Variants in PSMA1 observed in about 807,000 individuals in gnomAD.
The protein encoded by PSMA1 is proteasome subunit alpha type-1.
In PSMA1, 3 loss-of-function variants were observed where a neutral mutation model predicts 38.4. The observed-to-expected ratio is 0.08, with a 90% CI of 0.04 to 0.20. PSMA1 has a LOEUF of 0.20. Ranked by LOEUF, PSMA1 falls within the 10% of genes least tolerant of loss-of-function variation. PSMA1 has a pLI of 1.00. For synonymous variants in PSMA1, 101 were observed against 107.1 expected (o/e 0.94, Z 0.35); for missense variants, 227 against 325.3 (o/e 0.70, Z 2.32).
intron 2 of PSMA1, among the ~76,000 whole-genome samples, chr11:14,572,571 TA>T (rs1852158735): frequency 1.3e-5 from 2 of 152,154 alleles, no homozygotes; most frequent in African/African-American, 2.4e-5. Context: ...AAGAAAGATC[TA>T]AAATTGACAC....
chr11:14,642,678 G>T (rs949091668), intron 1 of PSMA1, among the ~76,000 whole-genome samples: 1 of 152,200 alleles, frequency 6.6e-6, no homozygotes, highest in Non-Finnish European at 1.5e-5. Context: ...TGAGGTTGAA[G>T]CGAGAGCTTA....
At chr11:14,602,938 A>G (rs967707095) in intron 2 of PSMA1, among the ~76,000 whole-genome samples, 1 of 152,200 alleles carries the variant, frequency 6.6e-6, no homozygotes, top group Non-Finnish European at 1.5e-5. Context: ...GCGGGGAGAC[A>G]TAAGTAACCA....
chr11:14,569,269 C>G (rs1383943894), intron 2 of PSMA1, among the ~76,000 whole-genome samples: 1 of 152,110 alleles, frequency 6.6e-6, no homozygotes, highest in Non-Finnish European at 1.5e-5. Context: ...CAAATAGGAA[C>G]AGCTCCAGTC....
At chr11:14,566,320 A>T (rs1852070901) in intron 2 of PSMA1, among the ~76,000 whole-genome samples, 1 of 152,236 alleles carries the variant, frequency 6.6e-6, no homozygotes, top group Non-Finnish European at 1.5e-5. Context: ...CTTGGAGCAG[A>T]GGGGTAGCAG....
chr11:14,616,734 T>C (rs1379300526), intron 1 of PSMA1, among the ~76,000 whole-genome samples: 1 of 152,210 alleles, frequency 6.6e-6, no homozygotes, highest in Non-Finnish European at 1.5e-5. Context: ...TGTGAGTAGA[T>C]ACTATTAGCC....
chr11:14,605,960 T>C (rs1742801130), intron 2 of PSMA1, among the ~76,000 whole-genome samples: 1 of 152,218 alleles, frequency 6.6e-6, no homozygotes, highest in African/African-American at 2.4e-5. Context: ...CCAAGGCCAA[T>C]GTCTAGAATG....
intron 2 of PSMA1, among the ~76,000 whole-genome samples, chr11:14,538,165 A>G (rs761889862): frequency 2.6e-5 from 4 of 152,194 alleles, no homozygotes; most frequent in African/African-American, 4.8e-5. Context: ...GTTCCTATGT[A>G]TTTATAAGTC....
At chr11:14,552,914 T>A (rs1460080532) in intron 2 of PSMA1, among the ~76,000 whole-genome samples, 1 of 150,136 alleles carries the variant, frequency 6.7e-6, no homozygotes, top group Non-Finnish European at 1.5e-5. Flanking sequence ...GCAGCCACAA[T>A]TTCCTGGGCT....
chr11:14,623,305 G>A (rs939168690), intron 1 of PSMA1, among the ~76,000 whole-genome samples: 1 of 152,172 alleles, frequency 6.6e-6, no homozygotes, highest in African/African-American at 2.4e-5. Context: ...GGTCTGTTCT[G>A]TATGTGAGTA....
At chr11:14,576,829 A>G (rs1194949252) in intron 2 of PSMA1, among the ~76,000 whole-genome samples, 1 of 152,198 alleles carries the variant, frequency 6.6e-6, no homozygotes, top group Non-Finnish European at 1.5e-5. Flanking sequence ...AGTCATTGGT[A>G]GCTTGATGGG....
intron 2 of PSMA1, among the ~76,000 whole-genome samples, chr11:14,558,476 AT>A (rs768915300): frequency 7.9e-5 from 12 of 152,232 alleles, no homozygotes; most frequent in African/African-American, 9.6e-5. Flanking sequence ...TTCTCTCTAC[AT>A]TTCCCTGTTT....
chr11:14,517,521 A>C, intron 4 of PSMA1, 121 bp downstream of exon 4: 2 of 824,316 alleles, frequency 2.4e-6, no homozygotes, highest in Non-Finnish European at 3.7e-6. Context: ...CAAGGTATTC[A>C]TAATCTTAAT....
chr11:14,605,892 T>C lies in PSMA1; in HGVS notation c.21+5074A>G, dbSNP rs1443379733. ...AGAATCTCTTTAGTTTAATTAGGTG[T>C]CACTTGTCAATGTTTGCTTTTGCTG... On this transcript the variant is annotated intron_variant, in intron 2 of 10. Transcript: ENST00000418988. 2.6e-5 allele frequency among the ~76,000 whole-genome samples: 4 copies of C among 152,218 alleles called. No individual in the cohort carries two copies. In the South Asian group the frequency reaches 6.2e-4, roughly 24 times the overall value.
At chr11:14,546,320 C>T (rs926826232) in intron 2 of PSMA1, among the ~76,000 whole-genome samples, 3 of 152,150 alleles carry the variant, frequency 2.0e-5, no homozygotes, top group Non-Finnish European at 2.9e-5. Context: ...CCACCCTGCC[C>T]CCCAACAACA....
chr11:14,530,058 C>T (rs1235845115), intron 2 of PSMA1, among the ~76,000 whole-genome samples: 1 of 152,212 alleles, frequency 6.6e-6, no homozygotes, highest in Non-Finnish European at 1.5e-5. Context: ...AGTGCCTGTA[C>T]TTAATAAGTG....
At chr11:14,603,339 A>G (rs1011373153) in intron 2 of PSMA1, among the ~76,000 whole-genome samples, 12 of 152,216 alleles carry the variant, frequency 7.9e-5, no homozygotes, top group African/African-American at 2.9e-4. Context: ...TCACACTTAA[A>G]TTACTGAACT....
At chr11:14,508,358 T>C (rs1463326797) in intron 8 of PSMA1, among the ~76,000 whole-genome samples, 3 of 152,026 alleles carry the variant, frequency 2.0e-5, no homozygotes, top group African/African-American at 7.2e-5. Context: ...CCTTTCCCAT[T>C]AAAACTTCCT....
intron 2 of PSMA1, among the ~76,000 whole-genome samples, chr11:14,604,282 G>C (rs1488345619): frequency 1.3e-5 from 2 of 152,056 alleles, no homozygotes; most frequent in African/African-American, 4.8e-5. Context: ...GGCTGGTCTT[G>C]AACCACTGAC....
At chr11:14,547,971 C>T (rs1851844789) in intron 2 of PSMA1, among the ~76,000 whole-genome samples, 1 of 151,874 alleles carries the variant, frequency 6.6e-6, no homozygotes, top group South Asian at 2.1e-4. Context: ...TGGAGATGAG[C>T]ATCAGCTGCT....
Sources: gnomAD v4.1 joint callset for allele counts (sites outside exome capture counted in the v4.1 genomes callset) on GRCh38, gnomAD v4.1.1 for gene constraint, MANE v1.5 for transcripts, NCBI Gene and HGNC (gene_info 2026-07-23, HGNC 2026-07-21) for gene names.